GPC3: variants seen among roughly 807,000 people sequenced by gnomAD.
The protein encoded by GPC3 is glypican-3.
Under a neutral mutation model 34.4 loss-of-function variants are expected in GPC3, and 3 were observed. That is an observed-to-expected ratio of 0.09 (90% CI 0.04 to 0.23). The LOEUF (loss-of-function observed/expected upper bound fraction) is 0.23. Ranked by LOEUF, GPC3 falls within the 10% of genes least tolerant of loss-of-function variation. GPC3 has a pLI of 1.00. For missense variants in GPC3, 351 were observed against 445.6 expected (o/e 0.79, Z 1.91); for synonymous variants, 177 against 174.0 (o/e 1.02, Z -0.13).
At chrX:133,973,316 C>T (rs942637529) in intron 1 of GPC3, among the ~76,000 whole-genome samples, 5 of 112,950 alleles carry the variant, frequency 4.4e-5, no homozygotes, top group Non-Finnish European at 9.4e-5. Context: ...GGTAAGTAAA[C>T]CTTTCTGAGC....
At position 133,700,046 on chromosome X, in the gene GPC3, A is replaced by G. The variant is rs368015595; in HGVS notation, c.1033-18T>C. ...TTGCCAATCTGAAAAAAGAAATGCA[A>G]TATAATTATATGATACTTGTGCAGA... On this transcript the variant is annotated intron_variant, in intron 3 of 7. Coordinates refer to ENST00000370818, the MANE Select transcript of GPC3 (RefSeq NM_004484.4). The G allele has an allele frequency of 1.1e-4, 126 of 1,147,529 alleles. 1 individual carries two copies. The East Asian group carries it at 2.8e-3, about 25-fold the overall frequency. The allele number at this position is 1,147,529 out of a possible 1,213,427, so 94.6% of individuals were successfully genotyped here. A position where few individuals can be genotyped will look rare whatever the true frequency, so the allele number is the denominator to read the frequency against.
chrX:133,866,307 G>T (rs748981791), intron 2 of GPC3, among the ~76,000 whole-genome samples: 6 of 111,647 alleles, frequency 5.4e-5, no homozygotes, highest in Non-Finnish European at 1.1e-4. Context: ...AGTAAATTGC[G>T]TGCTTTAATC....
intron 2 of GPC3, among the ~76,000 whole-genome samples, chrX:133,940,427 T>C (rs1350490334): frequency 1.8e-5 from 2 of 112,103 alleles, no homozygotes; most frequent in African/African-American, 3.2e-5. Flanking sequence ...GCTGGTTACA[T>C]GGCCTTGGAC....
intron 6 of GPC3, among the ~76,000 whole-genome samples, chrX:133,630,032 C>T (rs1426632739): frequency 9.3e-6 from 1 of 108,014 alleles, no homozygotes; most frequent in Non-Finnish European, 1.9e-5. Flanking sequence ...CCAGCCTGGG[C>T]AACAAGAGTG....
At chrX:133,684,720 A>AAC (rs2070980110) in intron 5 of GPC3, among the ~76,000 whole-genome samples, 1 of 111,087 alleles carries the variant, frequency 9.0e-6, no homozygotes, top group Non-Finnish European at 1.9e-5. Flanking sequence ...ATAAATTAAA[A>AAC]AACAACAACA....
At chrX:133,919,841 C>CAAAA (rs35573322) in intron 2 of GPC3, among the ~76,000 whole-genome samples, 1 of 82,815 alleles carries the variant, frequency 1.2e-5, no homozygotes, top group Non-Finnish European at 2.4e-5. Flanking sequence ...GATCCTGTCT[C>CAAAA]AAAAAAAAAA....
intron 2 of GPC3, among the ~76,000 whole-genome samples, chrX:133,946,363 C>T (rs190180086): frequency 8.9e-6 from 1 of 111,885 alleles, no homozygotes; most frequent in East Asian, 2.8e-4. Context: ...CTTTAAGCCT[C>T]CATTTTGTCA....
chrX:133,650,987 C>G (rs1217532652), intron 6 of GPC3, among the ~76,000 whole-genome samples: 1 of 110,853 alleles, frequency 9.0e-6, no homozygotes, highest in African/African-American at 3.3e-5. Flanking sequence ...AGCCTTTGTT[C>G]TTTCCCCCAA....
chrX:133,679,947 T>G (rs1282939043), intron 5 of GPC3, among the ~76,000 whole-genome samples: 1 of 111,721 alleles, frequency 9.0e-6, no homozygotes, highest in Non-Finnish European at 1.9e-5. Flanking sequence ...TGAGCCACTG[T>G]GCCCGGCCCA....
chrX:133,645,941 C>A (rs1325952073), intron 6 of GPC3, among the ~76,000 whole-genome samples: 1 of 109,823 alleles, frequency 9.1e-6, no homozygotes, highest in Non-Finnish European at 1.9e-5. Flanking sequence ...AAATATGGGA[C>A]TTATAAAAGG....
At chrX:133,790,878 G>T (rs752306079) in intron 2 of GPC3, among the ~76,000 whole-genome samples, 1 of 111,785 alleles carries the variant, frequency 8.9e-6, no homozygotes, top group Admixed American at 9.5e-5. Flanking sequence ...ATCACTCCAT[G>T]AAAGGAATGG....
chrX:133,657,898 CAGAGAGAGAGAGAG>C (rs749162174), intron 6 of GPC3, among the ~76,000 whole-genome samples: 1 of 85,550 alleles, frequency 1.2e-5, no homozygotes, highest in South Asian at 6.9e-4. Context: ...GGCATACATG[CAGAGAGAGAGAGAG>C]AGAGAGAGAG....
chrX:133,741,738 G>C (rs1275612180), intron 3 of GPC3, among the ~76,000 whole-genome samples: 3 of 112,810 alleles, frequency 2.7e-5, no homozygotes, highest in Non-Finnish European at 5.6e-5. Context: ...TCCATGTAAA[G>C]AGCTTAGAAT....
intron 7 of GPC3, among the ~76,000 whole-genome samples, chrX:133,544,928 G>C (rs1349164357): frequency 9.0e-6 from 1 of 111,398 alleles, no homozygotes; most frequent in Non-Finnish European, 1.9e-5. Flanking sequence ...GGTAATGTGG[G>C]TGGTGGCTCT....
In GPC3 at chrX:133,538,973, G is replaced by A. The variant is rs113081961; in HGVS notation, c.1574-2680C>T. ...TGAGCTCAAGCGATCTGACCACCTC[G>A]GCCTCCCAAAATTCTGGAATTACAA... On this transcript the variant is annotated intron_variant, in intron 7 of 7. Coordinates refer to ENST00000370818, the MANE Select transcript of GPC3 (RefSeq NM_004484.4). Among the ~76,000 whole-genome samples, 183 of 102,351 alleles carry A rather than the reference G, an allele frequency of 1.8e-3. 2 individuals are homozygous for A. The highest frequency in any genetic ancestry group is 6.3e-3 in the African/African-American group (175 of 27,934). The allele number at this position is 102,351 out of a possible 115,157, so 88.9% of individuals were successfully genotyped here.
intron 2 of GPC3, among the ~76,000 whole-genome samples, chrX:133,924,382 A>G (rs2076266500): frequency 9.0e-6 from 1 of 111,348 alleles, no homozygotes; most frequent in South Asian, 3.8e-4. Context: ...AAAATGATTC[A>G]CTCATAACTA....
chrX:133,631,901 C>G (rs1462503894), intron 6 of GPC3, among the ~76,000 whole-genome samples: 1 of 108,292 alleles, frequency 9.2e-6, no homozygotes, highest in Non-Finnish European at 1.9e-5. Flanking sequence ...CATGTGCTTG[C>G]TGAAGGAGCA....
At chrX:133,680,045 G>C (rs1024924974) in intron 5 of GPC3, among the ~76,000 whole-genome samples, 1 of 111,739 alleles carries the variant, frequency 8.9e-6, no homozygotes, top group Non-Finnish European at 1.9e-5. Flanking sequence ...ATGCTAGAGA[G>C]AAGATAAGGT....
chrX:133,808,419 C>T (rs933991554), intron 2 of GPC3, among the ~76,000 whole-genome samples: 1 of 112,119 alleles, frequency 8.9e-6, no homozygotes, highest in African/African-American at 3.2e-5. Flanking sequence ...CAACTCAAAG[C>T]TTAGAATGCT....
Sources: gnomAD v4.1 joint callset for allele counts (sites outside exome capture counted in the v4.1 genomes callset) on GRCh38, gnomAD v4.1.1 for gene constraint, MANE v1.5 for transcripts, NCBI Gene and HGNC (gene_info 2026-07-23, HGNC 2026-07-21) for gene names.